SCAMP3: variants seen among roughly 807,000 people sequenced by gnomAD.
The protein encoded by SCAMP3 is secretory carrier membrane protein 3, also known as secretory carrier-associated membrane protein 3.
Under a neutral mutation model 44.1 loss-of-function variants are expected in SCAMP3, and 30 were observed. The observed-to-expected ratio is 0.68, with a 90% CI of 0.51 to 0.92. SCAMP3 has a LOEUF of 0.92. SCAMP3 is among the 40% of genes least tolerant of loss of function. SCAMP3 has a pLI of 0.00. For missense variants in SCAMP3, 394 were observed against 440.0 expected (o/e 0.90, Z 0.93); for synonymous variants, 168 against 171.1 (o/e 0.98, Z 0.14).
rs757580799 is a variant in SCAMP3 at position 155,256,328 on chromosome 1, G to A, written c.989C>T (p.Thr330Ile). The A allele has an allele frequency of 1.9e-5, 31 of 1,605,210 alleles. No individual in the cohort carries two copies. The highest frequency in any genetic ancestry group is 1.7e-4 in the Middle Eastern group (1 of 5,744). The change falls in exon 9 of 9, where the codon ACC becomes ATC. Residue 330 changes from threonine (T) to isoleucine (I), a missense_variant. Coordinates refer to ENST00000302631, the MANE Select transcript of SCAMP3 (RefSeq NM_005698.4). ...CCCAGCGGCTGCATTGGCAGCTGCG[G>A]TTCGCACCGCAGGGTTGGAGAAGAC... ...AGVFSNPAVR[T>I]AAANAAAGAA...
chr1:155,260,011 G>A (rs975890873), intron 4 of SCAMP3, among the ~76,000 whole-genome samples: 28 of 151,380 alleles, frequency 1.8e-4, no homozygotes, highest in African/African-American at 6.8e-4. Flanking sequence ...GAGTGCAGTG[G>A]CGCTATCTCG....
intron 4 of SCAMP3, among the ~76,000 whole-genome samples, chr1:155,259,701 G>A (rs1435047417): frequency 6.6e-6 from 1 of 152,140 alleles, no homozygotes; most frequent in Admixed American, 6.5e-5. Context: ...TGGGGTCCAA[G>A]GAGACAAGTG....
chr1:155,261,676 T>A lies in SCAMP3; in HGVS notation c.125A>T (p.Asn42Ile), dbSNP rs1029862594. 7.4e-6 allele frequency: 12 copies of A among 1,614,010 alleles called. No individual in the cohort carries two copies. The East Asian group carries it at 1.6e-4, about 21-fold the overall frequency. ...GCTCACCTCCCGGGTCTCAAAAGGG[T>A]TGTAGACGTCAAGCGTGGCATACTG... ...SRQYATLDVY[N>I]PFETREPPPA... is the part of the protein sequence containing the mutation. Residue 42 changes from asparagine to isoleucine, a missense_variant, in exon 2 of 9, where the codon AAC becomes ATC. Physicochemically the swap from Asn to Ile is moderately radical, Grantham distance 149. Transcript: ENST00000302631.
chr1:155,258,944 G>A lies in SCAMP3; in HGVS notation c.399C>T (p.Asn133=), dbSNP rs1361844113. Residue 133 remains asparagine (N), a synonymous_variant, in exon 5 of 9, where the codon AAC becomes AAT. Transcript: ENST00000302631. ...AAAAAGAAGGTAGAGGGGGCCAATT[G>A]TTCTGTCGAGCTGTAAGGCACAAAA... The part of the protein sequence containing the change: ...AALGGTATRQ[N]NWPPLPSFCP... The A allele has an allele frequency of 1.9e-6, 3 of 1,610,864 alleles. No individual in the cohort carries two copies. The highest frequency in any genetic ancestry group is 1.3e-5 in the African/African-American group (1 of 74,460).
At chr1:155,258,761 A>C in intron 5 of SCAMP3, 65 bp downstream of exon 5, 1 of 1,469,580 alleles carries the variant, frequency 6.8e-7, no homozygotes, top group Non-Finnish European at 9.2e-7. Flanking sequence ...GTTCTTGGTG[A>C]GCGGACCCCA....
chr1:155,260,594 C>T lies in SCAMP3; in HGVS notation c.210G>A (p.Gln70=). 1.2e-6 allele frequency: 2 copies of T among 1,614,156 alleles called. No homozygotes were observed. Among genetic ancestry groups the T allele is most frequent in the South Asian group, 2.2e-5 (2 of 91,080 alleles). The part of the protein sequence containing the change: ...PLPPPSAPSL[Q]PSRKLSPTEP... ...CTGTGGGGCTGAGCTTTCTCGAGGG[C>T]TGCAAGGAGGGAGCTGAGGGTGGAG... Residue 70 remains glutamine (Q), a synonymous_variant, in exon 3 of 9, where the codon CAG becomes CAA. Coordinates refer to ENST00000302631, the MANE Select transcript of SCAMP3 (RefSeq NM_005698.4).
At position 155,260,563 on chromosome 1, in the gene SCAMP3, T is replaced by C. The variant is rs200515354; in HGVS notation, c.241A>G (p.Lys81Glu). 35 of 1,614,146 alleles carry C rather than the reference T, an allele frequency of 2.2e-5. No homozygotes were observed. The highest frequency in any genetic ancestry group is 3.0e-5 in the Non-Finnish European group (35 of 1,180,034). The change falls in exon 3 of 9, where the codon AAG (lysine) becomes GAG (glutamate). Residue 81 changes from lysine (K) to glutamate (E), a missense_variant. Transcript: ENST00000302631. ...PSRKLSPTEPKNYGSYSTQAS... is the reference protein window; with the variant it reads ...PSRKLSPTEPENYGSYSTQAS... Reference sequence around the variant, plus strand: ...TGAGTGCTGTATGAGCCATAGTTCTTAGGTTCTGTGGGGCTGAGCTTTCTC... The same window carrying C: ...TGAGTGCTGTATGAGCCATAGTTCTCAGGTTCTGTGGGGCTGAGCTTTCTC...
At chr1:155,257,456 C>T (rs769105921) in intron 6 of SCAMP3, 42 bp downstream of exon 6, 7 of 1,610,602 alleles carry the variant, frequency 4.3e-6, no homozygotes, top group South Asian at 1.1e-5. Flanking sequence ...ACGTGGGGCC[C>T]ATCCCAGGTC....
At chr1:155,259,688 A>G (rs1672905186) in intron 4 of SCAMP3, among the ~76,000 whole-genome samples, 1 of 152,096 alleles carries the variant, frequency 6.6e-6, no homozygotes. Flanking sequence ...TTTATCTCCA[A>G]TTTGGGGTCC....
intron 2 of SCAMP3, 141 bp downstream of exon 2, chr1:155,261,516 C>G (rs1672961090): frequency 1.3e-6 from 1 of 793,014 alleles, no homozygotes; most frequent in Non-Finnish European, 2.2e-6. Flanking sequence ...CATCCCATGG[C>G]TGACTAGCCT....
At position 155,261,637 on chromosome 1, in the gene SCAMP3, T is replaced by A; in HGVS notation, c.144+20A>T. 6.2e-7 allele frequency: 1 copy of A among 1,610,246 alleles called. No individual in the cohort carries two copies. The highest frequency in any genetic ancestry group is 8.5e-7 in the Non-Finnish European group (1 of 1,176,546). ...CAAACCCTTCCCTTCCTTGAACTCC[T>A]ATGCTCTCCAGTAGCTCACCTCCCG... On this transcript the variant is annotated intron_variant, in intron 2 of 8. Transcript: ENST00000302631.
In SCAMP3 at chr1:155,257,807, T is replaced by TG. The variant is rs1056254237; in HGVS notation, c.518-151dup. On this transcript the variant is annotated intron_variant, in intron 5 of 8. Coordinates refer to ENST00000302631, the MANE Select transcript of SCAMP3 (RefSeq NM_005698.4). ...TTCATGGAATCCTCAACAGGGGAGA[T>TG]GGAGAAAGCAAATGTCAATAATGTG... 6 of 708,734 alleles carry TG rather than the reference T, an allele frequency of 8.5e-6. No homozygotes were observed. The African/African-American group carries it at 1.1e-4, about 13-fold the overall frequency. The allele number at this position is 708,734 out of a possible 1,614,324, so 43.9% of individuals were successfully genotyped here.
At chr1:155,258,318 C>CTTTTTTTTTTTT (rs71996352) in intron 5 of SCAMP3, among the ~76,000 whole-genome samples, 1 of 86,510 alleles carries the variant, frequency 1.2e-5, no homozygotes, top group Non-Finnish European at 2.6e-5. Flanking sequence ...CGTGCCCGGC[C>CTTTTTTTTTTTT]TTTTTTTTTT....
At chr1:155,261,810 C>T (rs1672972975) in intron 1 of SCAMP3, 76 bp from the exon 2 acceptor site, 1 of 1,407,498 alleles carries the variant, frequency 7.1e-7, no homozygotes, top group South Asian at 1.1e-5. Context: ...TCCCAAACTG[C>T]CTGTGGCTCC....
At position 155,256,690 on chromosome 1, in the gene SCAMP3, A is replaced by G. The variant is rs973595737; in HGVS notation, c.881T>C (p.Ile294Thr). The G allele has an allele frequency of 1.5e-5, 24 of 1,613,920 alleles. No homozygotes were observed. Among genetic ancestry groups the G allele is most frequent in the Non-Finnish European group, 2.0e-5 (24 of 1,179,928 alleles). ...LLFTGIAVLG[I>T]VMLKRIHSLY... ...AGCCCTCACCCGTTTCAGCATGACA[A>G]TTCCTAGCACAGCAATGCCAGTGAA... is the stretch of plus-strand genomic sequence containing the variant. The change falls in exon 8 of 9, where the codon ATT becomes ACT. Residue 294 changes from isoleucine (I) to threonine (T), a missense_variant. Physicochemically the swap from Ile to Thr is moderately conservative, Grantham distance 89. Coordinates refer to ENST00000302631, the MANE Select transcript of SCAMP3 (RefSeq NM_005698.4).
At chr1:155,256,542 A>G in intron 8 of SCAMP3, 123 bp from the exon 9 acceptor site, 2 of 1,368,390 alleles carry the variant, frequency 1.5e-6, no homozygotes, top group Non-Finnish European at 1.0e-6. Flanking sequence ...ACAGAAACAC[A>G]CACCCCAGAG....
In SCAMP3 at chr1:155,256,522, ACACT is replaced by A; in HGVS notation, c.898-107_898-104del. The A allele has an allele frequency of 2.1e-6, 3 of 1,414,762 alleles. No homozygotes were observed. The Admixed American group carries it at 5.3e-5, about 25-fold the overall frequency. 87.6% of individuals were successfully genotyped at this position (1,414,762 alleles called of 1,614,324 possible). On this transcript the variant is annotated intron_variant, in intron 8 of 8. Transcript: ENST00000302631. ...CTCAGCAGCCTGCTGCCCAGCACAC[ACACT>A]CACACACAGAAACACACACCCCAGA...
chr1:155,257,938 C>A (rs886362619), intron 5 of SCAMP3, among the ~76,000 whole-genome samples: 3 of 151,800 alleles, frequency 2.0e-5, no homozygotes, highest in Non-Finnish European at 2.9e-5. Flanking sequence ...TCCGCCTCCC[C>A]GGTTCACGCC....
Position 155,258,968 on chromosome 1 carries a change from A to C in SCAMP3, c.389-14T>G. ...TGTTCTGTCGAGCTGTAAGGCACAA[A>C]AAAACAGGTGGACCCCAGAAGTAAA... is the stretch of plus-strand genomic sequence containing the variant. On this transcript the variant is annotated splice_polypyrimidine_tract_variant and intron_variant, in intron 4 of 8. Coordinates refer to ENST00000302631, the MANE Select transcript of SCAMP3 (RefSeq NM_005698.4). 1.2e-6 allele frequency: 2 copies of C among 1,607,010 alleles called. No individual in the cohort carries two copies. The highest frequency in any genetic ancestry group is 8.5e-7 in the Non-Finnish European group (1 of 1,177,224).
Sources: allele counts gnomAD v4.1 joint callset (sites outside exome capture counted in the v4.1 genomes callset), GRCh38; gene constraint gnomAD v4.1.1; transcripts MANE v1.5; gene names NCBI Gene and HGNC (gene_info 2026-07-23, HGNC 2026-07-21).